MAP2: variants seen among roughly 807,000 people sequenced by gnomAD.
MAP2 encodes microtubule-associated protein 2.
A neutral mutation model predicts 137.6 loss-of-function variants in MAP2; 14 were observed. That is an observed-to-expected ratio of 0.10 (90% confidence interval 0.07 to 0.16). MAP2 has a LOEUF of 0.16. Among genes scored for constraint, MAP2 ranks in the 10% least tolerant of loss-of-function variants. MAP2 has a pLI of 1.00. For missense variants in MAP2, 2,088 were observed against 2,191.5 expected (o/e 0.95, Z 0.94); for synonymous variants, 786 against 782.3 (o/e 1.00, Z -0.08).
In MAP2 at chr2:209,631,997, TG is replaced by T. The variant is rs1054626428; in HGVS notation, c.-30+6872del. Among the ~76,000 whole-genome samples the T allele has an allele frequency of 2.0e-4, 31 of 152,270 alleles. 1 individual carries two copies. The highest frequency in any genetic ancestry group is 1.9e-4 in the East Asian group (1 of 5,178). On this transcript the variant is annotated intron_variant, in intron 4 of 15. Transcript: ENST00000682079. ...GGCATGCACTTTATTCATTAGATAG[TG>T]GGGATTCCGTGGGCAACACGGTTTC...
rs777436815 is a variant in MAP2, at chr2:209,695,562, A to G, written c.3392A>G (p.Tyr1131Cys). The G allele has an allele frequency of 6.2e-6, 10 of 1,613,980 alleles. No individual in the cohort carries two copies. The highest frequency in any genetic ancestry group is 2.7e-5 in the African/African-American group (2 of 74,918). ...HQEAVDKEES[Y>C]ESSGEHESLT... ...GAGGCTGTAGACAAGGAGGAGTCCTATGAATCTAGTGGTGAGCATGAAAGT... is the reference window on the plus strand; with the variant it reads ...GAGGCTGTAGACAAGGAGGAGTCCTGTGAATCTAGTGGTGAGCATGAAAGT... Residue 1131 changes from tyrosine (Y) to cysteine (C), a missense_variant, in exon 8 of 16, where the codon TAT becomes TGT. Tyr to Cys is a radical substitution (Grantham distance 194). Coordinates refer to ENST00000682079, the MANE Select transcript of MAP2 (RefSeq NM_001375505.1).
chr2:209,733,740 G>A lies in MAP2; in HGVS notation c.*3343G>A, dbSNP rs1322966707. On this transcript the variant is annotated 3_prime_UTR_variant, in exon 16 of 16. Transcript: ENST00000682079. ...AGATTGACGTGCTAAAATAAGCATT[G>A]ATGTTTTGAGTTTTTTTACACCTAG... The A allele has an allele frequency of 6.6e-6, 1 of 152,266 alleles. No individual in the cohort carries two copies. The highest frequency in any genetic ancestry group is 1.9e-4 in the East Asian group (1 of 5,182). 9.4% of individuals were successfully genotyped at this position (152,266 alleles called of 1,614,324 possible).
chr2:209,715,156 TCTC>T (rs1313313101), intron 13 of MAP2, among the ~76,000 whole-genome samples: 2 of 152,124 alleles, frequency 1.3e-5, no homozygotes, highest in Admixed American at 6.6e-5. Context: ...TTTTTTGTTT[TCTC>T]CTATAATTGA....
intron 3 of MAP2, among the ~76,000 whole-genome samples, chr2:209,623,993 A>G (rs142005574): frequency 0.02 from 3,119 of 152,324 alleles, 59 homozygotes; most frequent in South Asian, 0.043. Context: ...ATGTAAAAGC[A>G]CTTCATACAC....
At chr2:209,690,624 G>A (rs895782635) in intron 7 of MAP2, 31 of 1,288,030 alleles carry the variant, frequency 2.4e-5, no homozygotes, top group South Asian at 8.7e-5. Context: ...CTAGAGAGTC[G>A]GATGGCTGAG....
chr2:209,571,537 G>T (rs2074400700), intron 2 of MAP2, among the ~76,000 whole-genome samples: 1 of 152,014 alleles, frequency 6.6e-6, no homozygotes, highest in Non-Finnish European at 1.5e-5. Flanking sequence ...AGCAATGTAT[G>T]AGAGTCTTAG....
intron 4 of MAP2, among the ~76,000 whole-genome samples, chr2:209,636,739 G>A (rs568972254): frequency 6.6e-6 from 1 of 152,094 alleles, no homozygotes; most frequent in South Asian, 2.1e-4. Context: ...ATTCTTCATT[G>A]AAATACTATA....
chr2:209,470,910 C>T (rs1177047339), intron 1 of MAP2, among the ~76,000 whole-genome samples: 1 of 152,154 alleles, frequency 6.6e-6, no homozygotes, highest in Non-Finnish European at 1.5e-5. Context: ...CTGATTTTCC[C>T]ATATCTCCTG....
chr2:209,719,627 T>C (rs1392155206), intron 13 of MAP2, among the ~76,000 whole-genome samples: 16 of 152,194 alleles, frequency 1.1e-4, no homozygotes, highest in Admixed American at 1.0e-3. Context: ...CAATTAAATA[T>C]ATGCAGAGAG....
At chr2:209,433,060 C>T (rs1341667162) in intron 1 of MAP2, among the ~76,000 whole-genome samples, 2 of 152,096 alleles carry the variant, frequency 1.3e-5, no homozygotes, top group African/African-American at 4.8e-5. Flanking sequence ...ATTTATTAAA[C>T]ACATGGTTAT....
intron 4 of MAP2, among the ~76,000 whole-genome samples, chr2:209,640,386 A>C (rs945673530): frequency 2.6e-5 from 4 of 152,090 alleles, no homozygotes; most frequent in Non-Finnish European, 5.9e-5. Context: ...AATGCATTAA[A>C]ATTTGTAATC....
At chr2:209,540,129 A>T (rs138523682) in intron 2 of MAP2, among the ~76,000 whole-genome samples, 1,644 of 148,938 alleles carry the variant, frequency 0.011, 43 homozygotes, top group African/African-American at 0.039. Flanking sequence ...AAAAAGCCAC[A>T]AAGTTTACAA....
At chr2:209,446,422 C>T (rs1409735361) in intron 1 of MAP2, among the ~76,000 whole-genome samples, 1 of 151,636 alleles carries the variant, frequency 6.6e-6, no homozygotes, top group Non-Finnish European at 1.5e-5. Flanking sequence ...CTCCAAACCC[C>T]GACATCACCA....
intron 3 of MAP2, among the ~76,000 whole-genome samples, chr2:209,618,215 GA>G: frequency 6.6e-6 from 1 of 152,122 alleles, no homozygotes; most frequent in African/African-American, 2.4e-5. Context: ...GAGCAGAGGA[GA>G]CAGGCAGAAA....
intron 1 of MAP2, among the ~76,000 whole-genome samples, chr2:209,494,256 GA>G (rs1429887637): frequency 6.6e-6 from 1 of 151,936 alleles, no homozygotes; most frequent in Non-Finnish European, 1.5e-5. Context: ...ACAGGGCAGG[GA>G]ACATCACACA....
intron 2 of MAP2, among the ~76,000 whole-genome samples, chr2:209,566,162 A>G (rs1177645773): frequency 6.6e-6 from 1 of 152,176 alleles, no homozygotes; most frequent in Non-Finnish European, 1.5e-5. Context: ...ATGAGACTGA[A>G]CTGCATTGAT....
At position 209,694,147 on chromosome 2, in the gene MAP2, G is replaced by C; in HGVS notation, c.1977G>C (p.Met659Ile). The C allele has an allele frequency of 6.2e-7, 1 of 1,614,084 alleles. No homozygotes were observed. The highest frequency in any genetic ancestry group is 1.1e-5 in the South Asian group (1 of 91,062). The change falls in exon 8 of 16, where the codon ATG becomes ATC. Residue 659 changes from methionine (M) to isoleucine (I), a missense_variant. By Grantham distance (10) the Met-to-Ile change is conservative. Transcript: ENST00000682079. Reference sequence around the variant, plus strand: ...AACCCAGTTCTCCTCAAGAAAGAATGTTCACTATTGATCCAAAAGTGTATG... The same window carrying C: ...AACCCAGTTCTCCTCAAGAAAGAATCTTCACTATTGATCCAAAAGTGTATG... ...PEEPSSPQER[M>I]FTIDPKVYGE... is the part of the protein sequence containing the mutation.
intron 1 of MAP2, among the ~76,000 whole-genome samples, chr2:209,458,991 T>TA (rs1429228469): frequency 6.6e-6 from 1 of 152,146 alleles, no homozygotes; most frequent in Admixed American, 6.5e-5. Flanking sequence ...ATCTGACAAA[T>TA]AATCATTGAG....
intron 1 of MAP2, among the ~76,000 whole-genome samples, chr2:209,434,374 T>A (rs1695135474): frequency 6.6e-6 from 1 of 151,998 alleles, no homozygotes; most frequent in Non-Finnish European, 1.5e-5. Context: ...TCACATAATT[T>A]AGGAGAAATT....
Sources: gnomAD v4.1 joint callset for allele counts (sites outside exome capture counted in the v4.1 genomes callset) on GRCh38, gnomAD v4.1.1 for gene constraint, MANE v1.5 for transcripts, NCBI Gene and HGNC (gene_info 2026-07-23, HGNC 2026-07-21) for gene names.